The following MARCHF1 variants were observed in gnomAD, a reference collection of about 807,000 sequenced individuals.
The protein encoded by MARCHF1 is E3 ubiquitin-protein ligase MARCHF1.
Under a neutral mutation model 54.2 loss-of-function variants are expected in MARCHF1, and 40 were observed. That is an observed-to-expected ratio of 0.74 (90% CI 0.57 to 0.96). The LOEUF (loss-of-function observed/expected upper bound fraction) is 0.96. MARCHF1 is among the 40% of genes least tolerant of loss of function. The pLI is 0.00. For missense variants in MARCHF1, 586 were observed against 656.5 expected (o/e 0.89, Z 1.17); for synonymous variants, 236 against 236.3 (o/e 1.00, Z 0.01).
chr4:164,306,927 T>C (rs902138220), intron 1 of MARCHF1, among the ~76,000 whole-genome samples: 5 of 152,214 alleles, frequency 3.3e-5, no homozygotes, highest in Non-Finnish European at 7.3e-5. Flanking sequence ...CTTAAGTATG[T>C]ATTTGGAAAT....
intron 1 of MARCHF1, among the ~76,000 whole-genome samples, chr4:164,147,219 T>C (rs1729775072): frequency 6.7e-6 from 1 of 149,724 alleles, no homozygotes; most frequent in Non-Finnish European, 1.5e-5. Flanking sequence ...TTTTACACTG[T>C]TGGTGGGACT....
chr4:164,372,199 G>C (rs1578908983), intron 1 of MARCHF1, among the ~76,000 whole-genome samples: 1 of 152,264 alleles, frequency 6.6e-6, no homozygotes, highest in South Asian at 2.1e-4. Flanking sequence ...CGTGATTAAT[G>C]ATTACCTAGA....
chr4:164,305,545 T>C (rs1734674100), intron 1 of MARCHF1, among the ~76,000 whole-genome samples: 1 of 152,302 alleles, frequency 6.6e-6, no homozygotes, highest in Middle Eastern at 3.4e-3. Flanking sequence ...TCTAAAACTC[T>C]TAAGTTTTTG....
intron 5 of MARCHF1, among the ~76,000 whole-genome samples, chr4:163,647,396 A>C (rs1288658993): frequency 2.0e-5 from 3 of 152,060 alleles, no homozygotes; most frequent in Non-Finnish European, 4.4e-5. Flanking sequence ...CTTGAACTAC[A>C]CTTTAGGTGA....
intron 2 of MARCHF1, among the ~76,000 whole-genome samples, chr4:163,999,999 C>T (rs150395425): frequency 4.4e-4 from 67 of 151,786 alleles, no homozygotes; most frequent in Middle Eastern, 3.4e-3. Flanking sequence ...ATTAATTGTG[C>T]GAGGTGATAA....
chr4:164,264,677 T>C (rs561858754), intron 1 of MARCHF1, among the ~76,000 whole-genome samples: 1 of 152,022 alleles, frequency 6.6e-6, no homozygotes, highest in African/African-American at 2.4e-5. Context: ...CCCAGCACTT[T>C]GGGAGGCCGA....
At chr4:163,991,913 A>C (rs761599387) in intron 2 of MARCHF1, among the ~76,000 whole-genome samples, 1 of 151,844 alleles carries the variant, frequency 6.6e-6, no homozygotes, top group Non-Finnish European at 1.5e-5. Flanking sequence ...TATTAACTCT[A>C]ATACTCAGAC....
intron 4 of MARCHF1, among the ~76,000 whole-genome samples, chr4:163,785,995 A>G (rs1747607822): frequency 6.6e-6 from 1 of 152,004 alleles, no homozygotes; most frequent in East Asian, 1.9e-4. Flanking sequence ...TGCACATGCT[A>G]TGATACTGAC....
chr4:164,260,009 T>C (rs1411249421), intron 1 of MARCHF1, among the ~76,000 whole-genome samples: 2 of 152,200 alleles, frequency 1.3e-5, no homozygotes, highest in Non-Finnish European at 2.9e-5. Context: ...ATAGTTTTCA[T>C]ATATCTCCAG....
At chr4:163,661,169 G>T (rs996584714) in intron 5 of MARCHF1, among the ~76,000 whole-genome samples, 1 of 151,780 alleles carries the variant, frequency 6.6e-6, no homozygotes, top group Admixed American at 6.6e-5. Flanking sequence ...TAATAATTTG[G>T]CTACACGAAT....
Position 163,526,996 on chromosome 4 carries a change from A to G in MARCHF1, c.*1752T>C, listed in dbSNP as rs944282772. ...TTTTTCCTATGATCTGTGAAGAACAAGCACACTGATAATTACAAAGTGCAT... is the reference window on the plus strand; with the variant it reads ...TTTTTCCTATGATCTGTGAAGAACAGGCACACTGATAATTACAAAGTGCAT... On this transcript the variant is annotated 3_prime_UTR_variant, in exon 10 of 10. Transcript: ENST00000514618. 2 of 151,980 alleles carry G rather than the reference A, an allele frequency of 1.3e-5. No homozygotes were observed. Among genetic ancestry groups the G allele is most frequent in the African/African-American group, 4.8e-5 (2 of 41,420 alleles). The allele number at this position is 151,980 out of a possible 1,614,324, so 9.4% of individuals were successfully genotyped here.
intron 3 of MARCHF1, among the ~76,000 whole-genome samples, chr4:163,975,190 TCTCTCTCACACACACA>T (rs1752627242): frequency 2.5e-5 from 3 of 120,512 alleles, no homozygotes; most frequent in East Asian, 6.0e-4. Context: ...TCTCTCTCTC[TCTCTCTCACACACACA>T]CACACACACA....
intron 4 of MARCHF1, among the ~76,000 whole-genome samples, chr4:163,750,307 C>T (rs542971738): frequency 2.8e-4 from 42 of 151,866 alleles, no homozygotes; most frequent in African/African-American, 8.5e-4. Flanking sequence ...GTCAGGAGAT[C>T]GAGACCATCC....
At position 164,371,224 on chromosome 4, in the gene MARCHF1, T is replaced by C. The variant is rs1731029319; in HGVS notation, c.-323+12646A>G. 2.6e-5 allele frequency among the ~76,000 whole-genome samples: 4 copies of C among 152,144 alleles called. No individual in the cohort carries two copies. In the South Asian group the frequency reaches 8.3e-4, roughly 31 times the overall value. ...TACCTTTTGTGGTGGGGGGATGGGT[T>C]AATCCCTATTTCCAAAACAACTACA... On this transcript the variant is annotated intron_variant, in intron 1 of 9. Transcript: ENST00000514618.
chr4:163,613,132 A>G (rs1579113001), intron 6 of MARCHF1, 94 bp from the exon 7 acceptor site: 1 of 1,285,190 alleles, frequency 7.8e-7, no homozygotes, highest in African/African-American at 1.5e-5. Context: ...GACAGCATGG[A>G]CCAGAAGTAG....
At chr4:163,731,668 A>G (rs567573258) in intron 4 of MARCHF1, among the ~76,000 whole-genome samples, 27 of 152,322 alleles carry the variant, frequency 1.8e-4, no homozygotes, top group African/African-American at 4.8e-4. Context: ...TATTCAGCTG[A>G]GTATTGATCA....
intron 5 of MARCHF1, among the ~76,000 whole-genome samples, chr4:163,670,479 T>C (rs1403234051): frequency 2.6e-5 from 4 of 151,946 alleles, no homozygotes; most frequent in Admixed American, 6.6e-5. Context: ...AATCCCTCAA[T>C]TGCACTTTCA....
Position 164,066,494 on chromosome 4 carries a change from C to T in MARCHF1, c.-248+45094G>A, listed in dbSNP as rs149494147. 3.4e-3 allele frequency among the ~76,000 whole-genome samples: 513 copies of T among 152,194 alleles called. 3 individuals carry two copies. Among genetic ancestry groups the T allele is most frequent in the African/African-American group, 0.012 (478 of 41,530 alleles). On this transcript the variant is annotated intron_variant, in intron 2 of 9. Transcript: ENST00000514618. ...AAGACCTACAGACAGAAATACCATT[C>T]AACCCAGAAATCTAATTACTGGGTA...
chr4:163,929,817 A>G (rs1277912126), intron 3 of MARCHF1, among the ~76,000 whole-genome samples: 1 of 149,392 alleles, frequency 6.7e-6, no homozygotes, highest in African/African-American at 2.5e-5. Context: ...TTTCTAGTGC[A>G]TGGTTTGTTG....
Sources: gnomAD v4.1 joint callset for allele counts (sites outside exome capture counted in the v4.1 genomes callset) on GRCh38, gnomAD v4.1.1 for gene constraint, MANE v1.5 for transcripts, NCBI Gene and HGNC (gene_info 2026-07-23, HGNC 2026-07-21) for gene names.